The following SKOR2 variants were observed in gnomAD, a reference collection of about 807,000 sequenced individuals.
SKOR2 encodes LBX1 corepressor 1-like protein.
SKOR2 carries 47 observed loss-of-function variants against 69.1 expected under a neutral mutation model. The observed-to-expected ratio is 0.68, with a 90% confidence interval of 0.54 to 0.87. The LOEUF (loss-of-function observed/expected upper bound fraction) is 0.87. SKOR2 is among the 40% of genes least tolerant of loss of function. The pLI, the probability that SKOR2 is intolerant of heterozygous loss-of-function variation, is 0.00. For missense variants in SKOR2, 1,404 were observed against 1,472.2 expected, an observed-to-expected ratio of 0.95 and a Z score of 0.76; for synonymous variants, 717 against 672.6, an observed-to-expected ratio of 1.07 and a Z score of -1.02.
intron 4 of SKOR2, among the ~76,000 whole-genome samples, chr18:47,231,603 G>A (rs2064198716): frequency 6.6e-6 from 1 of 152,074 alleles, no homozygotes; most frequent in Non-Finnish European, 1.5e-5. Flanking sequence ...CAGCACTTTG[G>A]GATGCCGAGG....
At chr18:47,245,045 C>G in intron 3 of SKOR2, 63 bp from the exon 4 acceptor site, 1 of 1,434,736 alleles carries the variant, frequency 7.0e-7, no homozygotes, top group Non-Finnish European at 9.3e-7. Flanking sequence ...ACACAAAGAT[C>G]CAATTTTTTT....
chr18:47,227,072 C>G (rs936480311), intron 6 of SKOR2, among the ~76,000 whole-genome samples: 5 of 152,172 alleles, frequency 3.3e-5, no homozygotes, highest in Admixed American at 2.0e-4. Flanking sequence ...TTCCAGCAAG[C>G]GCAGAGACTT....
In SKOR2 at chr18:47,249,152, T is replaced by C. The variant is rs530026226; in HGVS notation, c.32A>G (p.Asp11Gly). 6.5e-7 allele frequency: 1 copy of C among 1,535,498 alleles called. No homozygotes were observed. The highest frequency in any genetic ancestry group is 1.4e-5 in the African/African-American group (1 of 73,130). The change falls in exon 2 of 9, where the codon GAC (aspartate) becomes GGC (glycine). Residue 11 changes from aspartate to glycine, a missense_variant. Transcript: ENST00000425639. ...GCTCGACGGCGACGCCAGCAGGATG[T>C]CGTTGGGCCCTGGCAGCGGACTGGA... is the stretch of plus-strand genomic sequence containing the variant. MASSPLPGPNDILLASPSSAF... is the reference protein window; with the variant it reads MASSPLPGPNGILLASPSSAF...
chr18:47,215,334 TG>T (rs1409663812), intron 7 of SKOR2, among the ~76,000 whole-genome samples: 1 of 152,072 alleles, frequency 6.6e-6, no homozygotes, highest in African/African-American at 2.4e-5. Context: ...AAAAATATAA[TG>T]CAAAATAGTA....
chr18:47,247,704 C>T lies in SKOR2; in HGVS notation c.1480G>A (p.Ala494Thr). 7.3e-7 allele frequency: 1 copy of T among 1,364,128 alleles called. No homozygotes were observed. Among genetic ancestry groups the T allele is most frequent in the South Asian group, 1.8e-5 (1 of 56,558 alleles). The allele number at this position is 1,364,128 out of a possible 1,614,324, so 84.5% of individuals were successfully genotyped here. ...CTTTCGCCTAGCGCGCAGCCTAGCG[C>T]CGAGGGCGGCTGAGGCGGGGGCTGC... is the stretch of plus-strand genomic sequence containing the variant. ...YLQPPPQPPS[A>T]LGCALGESPA... is the part of the protein sequence containing the mutation. The change falls in exon 2 of 9, where the codon GCG (alanine) becomes ACG (threonine). Residue 494 changes from alanine (A) to threonine (T), a missense_variant. Transcript: ENST00000425639. The surrounding 1 kb of genome is among the most constrained non-coding windows in gnomAD (Gnocchi z 6.6).
intron 6 of SKOR2, among the ~76,000 whole-genome samples, chr18:47,223,630 C>A (rs2064168766): frequency 6.6e-6 from 1 of 152,130 alleles, no homozygotes; most frequent in Non-Finnish European, 1.5e-5. Flanking sequence ...CAGAACGAGG[C>A]ACATTTTAGC....
chr18:47,245,372 C>G, intron 3 of SKOR2, 126 bp downstream of exon 3: 1 of 828,750 alleles, frequency 1.2e-6, no homozygotes, highest in Non-Finnish European at 1.7e-6. Flanking sequence ...CAAAAAAGAG[C>G]CCACAAATCA....
rs2064193701 is a variant in SKOR2 at position 47,230,546 on chromosome 18, T to C, written c.2830A>G (p.Lys944Glu). 1 of 1,423,874 alleles carries C rather than the reference T, an allele frequency of 7.0e-7. No homozygotes were observed. The highest frequency in any genetic ancestry group is 9.1e-7 in the Non-Finnish European group (1 of 1,096,620). 88.2% of individuals were successfully genotyped at this position (1,423,874 alleles called of 1,614,324 possible). A position where few individuals can be genotyped will look rare whatever the true frequency, so the allele number is the denominator to read the frequency against. The stretch of plus-strand genomic sequence containing the variant: ...AAATCTATTTGTTCAAATAAAACCT[T>C]CTGAAGTTCTTCTAATAAAAAAAAG... ...VENMGKEELQ[K>E]VLFEQIDLRR... The change falls in exon 6 of 9, where the codon AAG (lysine) becomes GAG (glutamate). Residue 944 changes from lysine to glutamate, a missense_variant. Around this residue, in one of 3 missense-constraint regions of SKOR2, gnomAD observed 1,266 missense variants for 1,309.9 expected, o/e 0.97. Transcript: ENST00000425639.
chr18:47,228,537 T>G (rs2064186614), intron 6 of SKOR2, among the ~76,000 whole-genome samples: 1 of 152,210 alleles, frequency 6.6e-6, no homozygotes, highest in African/African-American at 2.4e-5. Context: ...TGGGATGAAT[T>G]ATGACTACAG....
intron 1 of SKOR2, 68 bp from the exon 2 acceptor site, chr18:47,249,298 G>T: frequency 7.7e-7 from 1 of 1,290,864 alleles, no homozygotes; most frequent in Admixed American, 2.9e-5. Context: ...GGGATGAATC[G>T]CTAACCAAAG....
intron 4 of SKOR2, among the ~76,000 whole-genome samples, chr18:47,241,709 T>C (rs2064249612): frequency 6.6e-6 from 1 of 152,204 alleles, no homozygotes; most frequent in Non-Finnish European, 1.5e-5. Flanking sequence ...AAGTATAGCC[T>C]TCACCTGAAA....
intron 4 of SKOR2, among the ~76,000 whole-genome samples, chr18:47,235,833 A>C (rs962372090): frequency 6.6e-6 from 1 of 151,614 alleles, no homozygotes; most frequent in Admixed American, 6.6e-5. Context: ...CTAGCTTTCA[A>C]GGTACTAGAA....
chr18:47,247,865 C>T lies in SKOR2; in HGVS notation c.1319G>A (p.Gly440Asp). 1.5e-6 allele frequency: 2 copies of T among 1,359,358 alleles called. No individual in the cohort carries two copies. The highest frequency in any genetic ancestry group is 1.9e-6 in the Non-Finnish European group (2 of 1,066,112). The allele number at this position is 1,359,358 out of a possible 1,614,324, so 84.2% of individuals were successfully genotyped here. Residue 440 changes from glycine (G) to aspartate (D), a missense_variant, in exon 2 of 9, where the codon GGC (glycine) becomes GAC (aspartate). Transcript: ENST00000425639. This position sits in a 1 kb window ranked among gnomAD's most constrained non-coding sequence, Gnocchi z 6.6. Reference sequence around the variant, plus strand: ...GGCCTTGGGCGCCGCGCCCGCGCCGCCTGCGCCCGCGCCCCCCAGGGCCTC... The same window carrying T: ...GGCCTTGGGCGCCGCGCCCGCGCCGTCTGCGCCCGCGCCCCCCAGGGCCTC... ...AAEALGGAGA[G>D]GAGAAPKAGL...
Position 47,230,568 on chromosome 18 carries a change from AAAG to A in SKOR2, c.2819-14_2819-12del. 2 of 1,384,574 alleles carry A rather than the reference AAAG, an allele frequency of 1.4e-6. No individual in the cohort carries two copies. The highest frequency in any genetic ancestry group is 1.5e-5 in the African/African-American group (1 of 68,074). The allele number at this position is 1,384,574 out of a possible 1,614,324, so 85.8% of individuals were successfully genotyped here. A position where few individuals can be genotyped will look rare whatever the true frequency, so the allele number is the denominator to read the frequency against. On this transcript the variant is annotated splice_polypyrimidine_tract_variant and intron_variant, in intron 5 of 8. Coordinates refer to ENST00000425639, the MANE Select transcript of SKOR2 (RefSeq NM_001278063.4). ...CCTTCTGAAGTTCTTCTAATAAAAA[AAAG>A]AAGAGTCATTTTACTAATCTTTACA...
intron 7 of SKOR2, among the ~76,000 whole-genome samples, chr18:47,214,286 T>G (rs1331770992): frequency 6.6e-6 from 1 of 151,964 alleles, no homozygotes; most frequent in Non-Finnish European, 1.5e-5. Flanking sequence ...AGCATTTCAT[T>G]AAGGTAGAAA....
chr18:47,248,101 G>A lies in SKOR2; in HGVS notation c.1083C>T (p.Gly361=), dbSNP rs756849246. Residue 361 remains glycine (G), a synonymous_variant, in exon 2 of 9, where the codon GGC becomes GGT. Coordinates refer to ENST00000425639, the MANE Select transcript of SKOR2 (RefSeq NM_001278063.4). The surrounding 1 kb of genome is among the most constrained non-coding windows in gnomAD (Gnocchi z 6.4). The stretch of plus-strand genomic sequence containing the variant: ...CACCCGCCCCCGCGCCCGCGCCCAC[G>A]CCCACGCCGGCCACACAGCCACCCC... ...GAGGGCVAGV[G]VGAGAGAGAG... 2.0e-4 allele frequency: 276 copies of A among 1,349,170 alleles called. 1 individual carries two copies. The highest frequency in any genetic ancestry group is 2.5e-4 in the Admixed American group (7 of 28,422). The allele number at this position is 1,349,170 out of a possible 1,614,324, so 83.6% of individuals were successfully genotyped here.
Position 47,246,771 on chromosome 18 carries a change from C to G in SKOR2, c.2413G>C (p.Ala805Pro), listed in dbSNP as rs1391092019. 2.1e-6 allele frequency: 3 copies of G among 1,404,236 alleles called. No homozygotes were observed. Among genetic ancestry groups the G allele is most frequent in the Admixed American group, 6.7e-5 (2 of 29,710 alleles). The allele number at this position is 1,404,236 out of a possible 1,614,324, so 87.0% of individuals were successfully genotyped here. A position where few individuals can be genotyped will look rare whatever the true frequency, so the allele number is the denominator to read the frequency against. The change falls in exon 2 of 9, where the codon GCC (alanine) becomes CCC (proline). Residue 805 changes from alanine (A) to proline (P), a missense_variant. Transcript: ENST00000425639. The stretch of plus-strand genomic sequence containing the variant: ...CCGAGCGGGAACGCGCCCGCGACGG[C>G]CGGCGCGCGGTCCCGGCTGCTCCCC... ...EKGSSRDRAP[A>P]VAGAFPLGLN...
In SKOR2 at chr18:47,241,052, G is replaced by A. The variant is rs888465269; in HGVS notation, c.2752+3856C>T. Among the ~76,000 whole-genome samples, 69 of 152,248 alleles carry A rather than the reference G, an allele frequency of 4.5e-4. 1 individual carries two copies. The highest frequency in any genetic ancestry group is 4.4e-3 in the Admixed American group (68 of 15,288). ...TCAGATGGTTTTTTGTGTAGACTAC[G>A]ATTATAGTACTCATACTGCCTTCTT... On this transcript the variant is annotated intron_variant, in intron 4 of 8. Coordinates refer to ENST00000425639, the MANE Select transcript of SKOR2 (RefSeq NM_001278063.4).
chr18:47,242,768 G>T (rs1400067971), intron 4 of SKOR2, among the ~76,000 whole-genome samples: 1 of 152,016 alleles, frequency 6.6e-6, no homozygotes, highest in Non-Finnish European at 1.5e-5. Context: ...ATTACCAATA[G>T]CCGACTCCAA....
Sources: gnomAD v4.1 joint callset for allele counts (sites outside exome capture counted in the v4.1 genomes callset) on GRCh38, gnomAD v4.1.1 for gene constraint, gnomAD v4.1.1 regional missense constraint, Gnocchi (gnomAD v3.1) non-coding constraint, MANE v1.5 for transcripts, NCBI Gene and HGNC (gene_info 2026-07-23, HGNC 2026-07-21) for gene names.